CBFA2T2: variants seen among roughly 807,000 people sequenced by gnomAD.
CBFA2T2 encodes protein CBFA2T2.
Under a neutral mutation model 62.2 loss-of-function variants are expected in CBFA2T2, and 11 were observed. That is an observed-to-expected ratio of 0.18 (90% CI 0.11 to 0.29). The LOEUF (loss-of-function observed/expected upper bound fraction) is 0.29, where lower values mean the gene tolerates loss of function less well. Ranked by LOEUF, CBFA2T2 falls within the 10% of genes least tolerant of loss-of-function variation. CBFA2T2 has a pLI of 1.00. For missense variants in CBFA2T2, 592 were observed against 774.1 expected (o/e 0.76, Z 2.79); for synonymous variants, 295 against 287.5 (o/e 1.03, Z -0.27).
At chr20:33,600,561 A>G (rs905703083) in intron 1 of CBFA2T2, 7 of 312,396 alleles carry the variant, frequency 2.2e-5, no homozygotes, top group African/African-American at 9.2e-5. Flanking sequence ...AAGAGAGGCT[A>G]TGGTCCAGGA....
At position 33,638,562 on chromosome 20, in the gene CBFA2T2, T is replaced by A. The variant is rs76622131; in HGVS notation, c.1298-1779T>A. 2.6e-5 allele frequency among the ~76,000 whole-genome samples: 4 copies of A among 152,290 alleles called. No homozygotes were observed. The East Asian group carries it at 7.7e-4, about 29-fold the overall frequency. On this transcript the variant is annotated intron_variant, in intron 9 of 10. Coordinates refer to ENST00000342704, the MANE Select transcript of CBFA2T2 (RefSeq NM_001032999.3). ...AGAGACTTATGAAAAGTTCTTGGCCTCTGGGGTGAAGATTTTCTTAAGGCC... is the reference window on the plus strand; with the variant it reads ...AGAGACTTATGAAAAGTTCTTGGCCACTGGGGTGAAGATTTTCTTAAGGCC...
chr20:33,529,779 A>G (rs1318610631), intron 1 of CBFA2T2, among the ~76,000 whole-genome samples: 2 of 38,702 alleles, frequency 5.2e-5, no homozygotes, highest in African/African-American at 1.5e-4. Context: ...ATATATATAT[A>G]TATTTCTTTT....
At chr20:33,590,962 A>G (rs1601020472) in intron 1 of CBFA2T2, among the ~76,000 whole-genome samples, 1 of 151,772 alleles carries the variant, frequency 6.6e-6, no homozygotes, top group East Asian at 1.9e-4. Context: ...ATCACTTGAG[A>G]CCAGAAGTTT....
chr20:33,560,642 CA>C (rs1428337075), intron 1 of CBFA2T2, among the ~76,000 whole-genome samples: 3 of 152,078 alleles, frequency 2.0e-5, no homozygotes, highest in Non-Finnish European at 4.4e-5. Flanking sequence ...TCCTATTTGT[CA>C]AAAATTGCCA....
rs937156437 is a variant in CBFA2T2 at position 33,616,811 on chromosome 20, C to T, written c.421-2706C>T. ...AAGTGTTGCCCTTGAAATCCAGAGA[C>T]CAGATTCCCTCAGCATCTTACCTCT... On this transcript the variant is annotated intron_variant, in intron 3 of 10. Coordinates refer to ENST00000342704, the MANE Select transcript of CBFA2T2 (RefSeq NM_001032999.3). 3.5e-4 allele frequency among the ~76,000 whole-genome samples: 53 copies of T among 152,226 alleles called. 1 individual carries two copies. The highest frequency in any genetic ancestry group is 1.3e-3 in the African/African-American group (52 of 41,530).
chr20:33,534,750 GCTT>G (rs1390884976), intron 1 of CBFA2T2, among the ~76,000 whole-genome samples: 75 of 83,360 alleles, frequency 9.0e-4, no homozygotes, highest in African/African-American at 3.2e-3. Context: ...TATCTTTTTA[GCTT>G]TTTTTTTTTT....
intron 1 of CBFA2T2, among the ~76,000 whole-genome samples, chr20:33,512,442 G>A (rs193208203): frequency 1.3e-5 from 2 of 152,134 alleles, no homozygotes; most frequent in African/African-American, 4.8e-5. Flanking sequence ...TCTCCAAGGG[G>A]TAACCACTAT....
chr20:33,490,287 C>T lies in CBFA2T2; in HGVS notation c.20C>T (p.Ala7Val), dbSNP rs1370734073. 5 of 1,266,636 alleles carry T rather than the reference C, an allele frequency of 3.9e-6. No homozygotes were observed. The highest frequency in any genetic ancestry group is 3.4e-5 in the South Asian group (1 of 29,358). 78.5% of individuals were successfully genotyped at this position (1,266,636 alleles called of 1,614,324 possible). The change falls in exon 1 of 11, where the codon GCG becomes GTG. Residue 7 changes from alanine (A) to valine (V), a missense_variant. This residue lies in a region of CBFA2T2 where 449 missense variants were observed against 551.2 expected (regional missense o/e 0.81). Transcript: ENST00000342704. ...TCGGCGATGGTAGGCGTCCCTGGAG[C>T]GGCCGCCTTCCAGCGTAAGTGGGGC... MVGVPGAAAFQLGPEKR... is the reference protein window; with the variant it reads MVGVPGVAAFQLGPEKR...
intron 8 of CBFA2T2, among the ~76,000 whole-genome samples, chr20:33,631,829 T>G (rs1185469177): frequency 6.6e-6 from 1 of 152,244 alleles, no homozygotes; most frequent in African/African-American, 2.4e-5. Context: ...AGATAGTATA[T>G]TTTAGTGTCA....
chr20:33,497,591 C>A (rs1274075896), intron 1 of CBFA2T2, among the ~76,000 whole-genome samples: 5 of 142,312 alleles, frequency 3.5e-5, no homozygotes, highest in African/African-American at 1.3e-4. Flanking sequence ...CACTCTGTCG[C>A]TAGGCTACAG....
At chr20:33,603,662 A>G (rs1220235671) in intron 1 of CBFA2T2, among the ~76,000 whole-genome samples, 1 of 152,182 alleles carries the variant, frequency 6.6e-6, no homozygotes, top group Non-Finnish European at 1.5e-5. Context: ...GCTGTTTGAT[A>G]TGCTAAGCAA....
chr20:33,596,420 A>G (rs1246466055), intron 1 of CBFA2T2, among the ~76,000 whole-genome samples: 3 of 152,276 alleles, frequency 2.0e-5, no homozygotes, highest in Non-Finnish European at 1.5e-5. Context: ...TCTAATCATT[A>G]TAATAACCTA....
intron 1 of CBFA2T2, among the ~76,000 whole-genome samples, chr20:33,585,422 C>T (rs778304577): frequency 6.6e-6 from 1 of 152,026 alleles, no homozygotes; most frequent in Non-Finnish European, 1.5e-5. Flanking sequence ...AGGAAGGTCC[C>T]CCCATACAGC....
In CBFA2T2 at chr20:33,625,977, C is replaced by T. The variant is rs149127412; in HGVS notation, c.946+960C>T. ...CTTAGCTGGGCGTGGTGGTGGGCAC[C>T]TGTAGTCCCAGCTACTCAGGAGGCT... On this transcript the variant is annotated intron_variant, in intron 6 of 10. Coordinates refer to ENST00000342704, the MANE Select transcript of CBFA2T2 (RefSeq NM_001032999.3). Among the ~76,000 whole-genome samples, 640 of 152,292 alleles carry T rather than the reference C, an allele frequency of 4.2e-3. 4 individuals carry two copies. Among genetic ancestry groups the T allele is most frequent in the African/African-American group, 0.014 (594 of 41,558 alleles).
At chr20:33,582,713 A>C (rs1232745855) in intron 1 of CBFA2T2, among the ~76,000 whole-genome samples, 2 of 152,172 alleles carry the variant, frequency 1.3e-5, no homozygotes, top group Non-Finnish European at 2.9e-5. Context: ...AAGCCAAGGC[A>C]GGCGGATCAC....
intron 1 of CBFA2T2, among the ~76,000 whole-genome samples, chr20:33,596,535 CTTATTT>C (rs2014898309): frequency 6.6e-6 from 1 of 152,142 alleles, no homozygotes; most frequent in Non-Finnish European, 1.5e-5. Context: ...GGTTTTTCCC[CTTATTT>C]CCTTGGCTTT....
At chr20:33,565,995 A>C (rs1183136851) in intron 1 of CBFA2T2, among the ~76,000 whole-genome samples, 7 of 152,222 alleles carry the variant, frequency 4.6e-5, no homozygotes, top group African/African-American at 1.7e-4. Flanking sequence ...GGTTATTCTA[A>C]GGCTACTCAG....
chr20:33,524,531 G>A (rs1331554414), intron 1 of CBFA2T2, among the ~76,000 whole-genome samples: 1 of 152,028 alleles, frequency 6.6e-6, no homozygotes, highest in Non-Finnish European at 1.5e-5. Flanking sequence ...GCCTAGATGG[G>A]CATGCCATGA....
Position 33,606,178 on chromosome 20 carries a change from C to G in CBFA2T2, c.35-778C>G, listed in dbSNP as rs115467752. ...TCTTTTCATGTCTTGCAGTTGAGGC[C>G]TAAGTCTAGATAGTTCCCATGTTAG... On this transcript the variant is annotated intron_variant, in intron 1 of 10. Coordinates refer to ENST00000342704, the MANE Select transcript of CBFA2T2 (RefSeq NM_001032999.3). Among the ~76,000 whole-genome samples, 843 of 152,150 alleles carry G rather than the reference C, an allele frequency of 5.5e-3. 7 individuals are homozygous for G. Among genetic ancestry groups the G allele is most frequent in the African/African-American group, 0.02 (810 of 41,512 alleles).
Sources: allele counts gnomAD v4.1 joint callset (sites outside exome capture counted in the v4.1 genomes callset), GRCh38; gene constraint gnomAD v4.1.1; regional missense constraint gnomAD v4.1.1; transcripts MANE v1.5; gene names NCBI Gene and HGNC (gene_info 2026-07-23, HGNC 2026-07-21).